OR2G6: variants seen among roughly 807,000 people sequenced by gnomAD.
OR2G6 encodes olfactory receptor 2G6.
For missense variants in OR2G6, 457 were observed against 391.3 expected (o/e 1.17, Z -1.42); for synonymous variants, 183 against 155.2 (o/e 1.18, Z -1.33).
At position 248,527,196 on chromosome 1, in the gene OR2G6, A is replaced by G. The variant is rs1659149232; in HGVS notation, c.*4599A>G. ...AGGTGTAAGGAAGGGATCCAGTTTC[A>G]GCTTTCTACATATGGCTAGTCAGTT... On this transcript the variant is annotated 3_prime_UTR_variant, in exon 2 of 2. Coordinates refer to ENST00000641804, the MANE Select transcript of OR2G6 (RefSeq NM_001013355.2). 6.6e-6 allele frequency: 1 copy of G among 152,194 alleles called. No homozygotes were observed. Among genetic ancestry groups the G allele is most frequent in the Admixed American group, 6.5e-5 (1 of 15,274 alleles). 9.4% of individuals were successfully genotyped at this position (152,194 alleles called of 1,614,324 possible).
chr1:248,521,301 T>A (rs1016933052), intron 1 of OR2G6, among the ~76,000 whole-genome samples: 1 of 152,102 alleles, frequency 6.6e-6, no homozygotes, highest in African/African-American at 2.4e-5. Flanking sequence ...CCTGCATAAA[T>A]ACATCATTTG....
chr1:248,521,667 C>G lies in OR2G6; in HGVS notation c.21C>G (p.Ser7Arg). The change falls in exon 2 of 2, where the codon AGC becomes AGG. Residue 7 changes from serine to arginine, a missense_variant. Coordinates refer to ENST00000641804, the MANE Select transcript of OR2G6 (RefSeq NM_001013355.2). MEETNN[S>R]SEKGFLLLGF... ...GAAAAATGGAGGAAACCAACAACAG[C>G]TCTGAAAAGGGATTTCTTCTCCTGG... 1.9e-6 allele frequency: 3 copies of G among 1,613,480 alleles called. No individual in the cohort carries two copies. The highest frequency in any genetic ancestry group is 2.5e-6 in the Non-Finnish European group (3 of 1,179,688).
In OR2G6 at chr1:248,522,194, T is replaced by TG; in HGVS notation, c.549dup (p.Leu184AlafsTer82). On this transcript the variant is annotated frameshift_variant, in exon 2 of 2. Coordinates refer to ENST00000641804, the MANE Select transcript of OR2G6 (RefSeq NM_001013355.2). LOFTEE classifies it low-confidence loss of function (END_TRUNC). ...GATCATATTTTCTGTGAGGTGCCAG[T>TG]GCTCATCAAACTGGCCTGTGTGGAT... is the stretch of plus-strand genomic sequence containing the variant. The TG allele has an allele frequency of 6.2e-7, 1 of 1,614,188 alleles. No homozygotes were observed. The highest frequency in any genetic ancestry group is 8.5e-7 in the Non-Finnish European group (1 of 1,180,030).
chr1:248,521,827 T>C lies in OR2G6; in HGVS notation c.181T>C (p.Phe61Leu), dbSNP rs748752774. The change falls in exon 2 of 2, where the codon TTC (phenylalanine) becomes CTC (leucine). Residue 61 changes from phenylalanine (F) to leucine (L), a missense_variant. Phe to Leu is a conservative substitution (Grantham distance 22). Transcript: ENST00000641804. ...CTCCAGACTCCACACTCCAATGTAC[T>C]TCTTCCTCAGCAACCTCTCGTGTGT... Reference protein sequence around the residue: ...LDSRLHTPMYFFLSNLSCVDI... With the variant: ...LDSRLHTPMYLFLSNLSCVDI... 2.5e-6 allele frequency: 4 copies of C among 1,614,188 alleles called. No homozygotes were observed. The highest frequency in any genetic ancestry group is 1.6e-4 in the Middle Eastern group (1 of 6,062).
In OR2G6 at chr1:248,522,304, T is replaced by C. The variant is rs892560912; in HGVS notation, c.658T>C (p.Phe220Leu). The part of the protein sequence containing the change: ...PVLLILVSYG[F>L]ITQAVLRIKS... ...GTTACTCATCTTAGTCTCCTATGGC[T>C]TTATCACTCAAGCTGTGTTAAGGAT... Residue 220 changes from phenylalanine to leucine, a missense_variant, in exon 2 of 2, where the codon TTT (phenylalanine) becomes CTT (leucine). Phe to Leu is a conservative substitution (Grantham distance 22). Coordinates refer to ENST00000641804, the MANE Select transcript of OR2G6 (RefSeq NM_001013355.2). 1.2e-6 allele frequency: 2 copies of C among 1,614,084 alleles called. No homozygotes were observed. Among genetic ancestry groups the C allele is most frequent in the African/African-American group, 2.7e-5 (2 of 74,934 alleles).
Position 248,508,943 on chromosome 1 carries a change from T to C in OR2G6, c.-37+514T>C, listed in dbSNP as rs994773473. ...AGACTGACTTTTTTTTCCAGGTGATTATTGTAGCAAAACATTTTAAGTTTT... is the reference window on the plus strand; with the variant it reads ...AGACTGACTTTTTTTTCCAGGTGATCATTGTAGCAAAACATTTTAAGTTTT... On this transcript the variant is annotated intron_variant, in intron 1 of 1. Transcript: ENST00000641804. 3.8e-5 allele frequency among the ~76,000 whole-genome samples: 5 copies of C among 129,962 alleles called. 1 individual carries two copies. Among genetic ancestry groups the C allele is most frequent in the Non-Finnish European group, 7.9e-5 (5 of 63,662 alleles). The allele number at this position is 129,962 out of a possible 152,430, so 85.3% of individuals were successfully genotyped here.
At position 248,526,423 on chromosome 1, in the gene OR2G6, G is replaced by A. The variant is rs1659099380; in HGVS notation, c.*3826G>A. 1 of 152,192 alleles carries A rather than the reference G, an allele frequency of 6.6e-6. No individual in the cohort carries two copies. The highest frequency in any genetic ancestry group is 2.4e-5 in the African/African-American group (1 of 41,448). The allele number at this position is 152,192 out of a possible 1,614,324, so 9.4% of individuals were successfully genotyped here. The stretch of plus-strand genomic sequence containing the variant: ...CAGCAGCTGGGGCTGGTACCATAGG[G>A]ATACTTAAAGTTGAATTTATCAATT... On this transcript the variant is annotated 3_prime_UTR_variant, in exon 2 of 2. Coordinates refer to ENST00000641804, the MANE Select transcript of OR2G6 (RefSeq NM_001013355.2).
chr1:248,520,075 C>T (rs1664250090), intron 1 of OR2G6, among the ~76,000 whole-genome samples: 1 of 152,094 alleles, frequency 6.6e-6, no homozygotes, highest in Admixed American at 6.6e-5. Context: ...ACATATACAC[C>T]ATGGAATACT....
At chr1:248,508,897 A>G (rs1389201449) in intron 1 of OR2G6, among the ~76,000 whole-genome samples, 2 of 127,028 alleles carry the variant, frequency 1.6e-5, no homozygotes, top group African/African-American at 6.7e-5. Flanking sequence ...ATTTGTGTCC[A>G]TCCACATTAT....
chr1:248,522,418 A>C lies in OR2G6; in HGVS notation c.772A>C (p.Met258Leu). ...CATTTTCTATGGGACCATCATATTC[A>C]TGTACCTTCAACCGGCCAATAGGAG... ...VIIFYGTIIF[M>L]YLQPANRRSK... is the part of the protein sequence containing the mutation. The change falls in exon 2 of 2, where the codon ATG (methionine) becomes CTG (leucine). Residue 258 changes from methionine to leucine, a missense_variant. Met to Leu is a conservative substitution (Grantham distance 15, BLOSUM62 2). Transcript: ENST00000641804. The C allele has an allele frequency of 6.2e-7, 1 of 1,613,902 alleles. No individual in the cohort carries two copies. Among genetic ancestry groups the C allele is most frequent in the Non-Finnish European group, 8.5e-7 (1 of 1,179,974 alleles).
rs146219175 is a variant in OR2G6, at chr1:248,522,114, C to T, written c.468C>T (p.Ser156=). Reference sequence around the variant, plus strand: ...CATGGCTCAGCGGCCTCATCACCTCCCTAATTCAGTGCTCCCTCACTGTGC... The same window carrying T: ...CATGGCTCAGCGGCCTCATCACCTCTCTAATTCAGTGCTCCCTCACTGTGC... ...GGAWLSGLIT[S]LIQCSLTVQL... Residue 156 remains serine, a synonymous_variant, in exon 2 of 2, where the codon TCC becomes TCT. Coordinates refer to ENST00000641804, the MANE Select transcript of OR2G6 (RefSeq NM_001013355.2). 2 of 1,614,166 alleles carry T rather than the reference C, an allele frequency of 1.2e-6. No homozygotes were observed. Among genetic ancestry groups the T allele is most frequent in the African/African-American group, 1.3e-5 (1 of 75,030 alleles).
rs756154706 is a variant in OR2G6 at position 248,521,701 on chromosome 1, G to A, written c.55G>A (p.Asp19Asn). 12 of 1,614,000 alleles carry A rather than the reference G, an allele frequency of 7.4e-6. No individual in the cohort carries two copies. The Admixed American group carries it at 8.3e-5, about 11-fold the overall frequency. Residue 19 changes from aspartate (D) to asparagine (N), a missense_variant, in exon 2 of 2, where the codon GAT becomes AAT. Transcript: ENST00000641804. ...EKGFLLLGFS[D>N]QPQLERFLFA... ...GGGATTTCTTCTCCTGGGATTTTCA[G>A]ATCAGCCTCAGCTAGAGAGGTTTCT...
Position 248,522,371 on chromosome 1 carries a change from C to T in OR2G6, c.725C>T (p.Ser242Leu), listed in dbSNP as rs750002705. The T allele has an allele frequency of 1.7e-5, 28 of 1,613,988 alleles. No individual in the cohort carries two copies. The highest frequency in any genetic ancestry group is 2.3e-5 in the Non-Finnish European group (27 of 1,180,002). ...CGCCAAAAGGCCTTTGGGACCTGTTCGTCTCACCTGGTTGTGGTCATCATT... is the reference window on the plus strand; with the variant it reads ...CGCCAAAAGGCCTTTGGGACCTGTTTGTCTCACCTGGTTGTGGTCATCATT... ...AGRQKAFGTCSSHLVVVIIFY... is the reference protein window; with the variant it reads ...AGRQKAFGTCLSHLVVVIIFY... Residue 242 changes from serine to leucine, a missense_variant, in exon 2 of 2, where the codon TCG (serine) becomes TTG (leucine). Physicochemically the swap from Ser to Leu is moderately radical, Grantham distance 145. Coordinates refer to ENST00000641804, the MANE Select transcript of OR2G6 (RefSeq NM_001013355.2).
chr1:248,519,816 CT>C (rs532799825), intron 1 of OR2G6, among the ~76,000 whole-genome samples: 1 of 151,934 alleles, frequency 6.6e-6, no homozygotes, highest in African/African-American at 2.4e-5. Flanking sequence ...GCTATATGGC[CT>C]TTTTTTGGTT....
chr1:248,521,949 C>T lies in OR2G6; in HGVS notation c.303C>T (p.Leu101=). Residue 101 remains leucine, a synonymous_variant, in exon 2 of 2, where the codon CTC becomes CTT. Coordinates refer to ENST00000641804, the MANE Select transcript of OR2G6 (RefSeq NM_001013355.2). ...GCTACGGTGGCTGTGTGGCCCAGCTCTATGTGGCCATGGGGTTGGGCTCGT... is the reference window on the plus strand; with the variant it reads ...GCTACGGTGGCTGTGTGGCCCAGCTTTATGTGGCCATGGGGTTGGGCTCGT... ...TMSYGGCVAQ[L]YVAMGLGSSE... 4 of 1,614,152 alleles carry T rather than the reference C, an allele frequency of 2.5e-6. No individual in the cohort carries two copies. The highest frequency in any genetic ancestry group is 3.4e-6 in the Non-Finnish European group (4 of 1,180,018).
chr1:248,524,546 G>C lies in OR2G6; in HGVS notation c.*1949G>C, dbSNP rs1342233174. The stretch of plus-strand genomic sequence containing the variant: ...CATAGGAAAGAATGTACCTGTGTCA[G>C]AGTCTCAATCAATTTACATGGAATA... On this transcript the variant is annotated 3_prime_UTR_variant, in exon 2 of 2. Coordinates refer to ENST00000641804, the MANE Select transcript of OR2G6 (RefSeq NM_001013355.2). 1 of 152,208 alleles carries C rather than the reference G, an allele frequency of 6.6e-6. No individual in the cohort carries two copies. Among genetic ancestry groups the C allele is most frequent in the Non-Finnish European group, 1.5e-5 (1 of 68,036 alleles). 9.4% of individuals were successfully genotyped at this position (152,208 alleles called of 1,614,324 possible). A position where few individuals can be genotyped will look rare whatever the true frequency, so the allele number is the denominator to read the frequency against.
intron 1 of OR2G6, among the ~76,000 whole-genome samples, chr1:248,520,868 A>G (rs1664269347): frequency 7.5e-6 from 1 of 133,994 alleles, no homozygotes; most frequent in African/African-American, 3.4e-5. Context: ...ATATATATAT[A>G]TAAAAATATA....
intron 1 of OR2G6, among the ~76,000 whole-genome samples, chr1:248,521,040 TAAAAAAAAAAAA>T (rs56891856): frequency 6.0e-5 from 5 of 83,944 alleles, no homozygotes; most frequent in African/African-American, 8.9e-5. Context: ...AGATTCCATC[TAAAAAAAAAAAA>T]AAAAAAAAAA....
In OR2G6 at chr1:248,522,813, C is replaced by G. The variant is rs1040768083; in HGVS notation, c.*216C>G. On this transcript the variant is annotated 3_prime_UTR_variant, in exon 2 of 2. Transcript: ENST00000641804. ...ACAGGGACTAGGAAGCATTGGAATT[C>G]TAAAGAAGAGAAACACACCAAAGCA... is the stretch of plus-strand genomic sequence containing the variant. 1.3e-5 allele frequency: 7 copies of G among 522,552 alleles called. No individual in the cohort carries two copies. The highest frequency in any genetic ancestry group is 1.2e-4 in the African/African-American group (6 of 51,768). 32.4% of individuals were successfully genotyped at this position (522,552 alleles called of 1,614,324 possible).
Sources: allele counts gnomAD v4.1 joint callset (sites outside exome capture counted in the v4.1 genomes callset), GRCh38; gene constraint gnomAD v4.1.1; transcripts MANE v1.5; gene names NCBI Gene and HGNC (gene_info 2026-07-23, HGNC 2026-07-21).